OTUD5: variants seen among roughly 807,000 people sequenced by gnomAD.
OTUD5 encodes OTU domain-containing protein 5.
Under a neutral mutation model 36.3 loss-of-function variants are expected in OTUD5, and 2 were observed. The ratio of observed to expected loss-of-function variants is 0.06; its 90% CI spans 0.02 to 0.17. The LOEUF (loss-of-function observed/expected upper bound fraction) is 0.17. Among genes scored for constraint, OTUD5 ranks in the 10% least tolerant of loss-of-function variants. OTUD5 has a pLI of 1.00. For missense variants in OTUD5, 233 were observed against 512.3 expected (o/e 0.45, Z 5.26); for synonymous variants, 234 against 214.9 (o/e 1.09, Z -0.78).
chrX:48,935,373 T>C (rs1315908351), intron 2 of OTUD5, among the ~76,000 whole-genome samples: 1 of 111,294 alleles, frequency 9.0e-6, no homozygotes, highest in African/African-American at 3.3e-5. Context: ...GCTTTCCACA[T>C]GAGGAAACTG....
chrX:48,938,605 A>C (rs1557050415), intron 2 of OTUD5, among the ~76,000 whole-genome samples: 1 of 110,513 alleles, frequency 9.0e-6, no homozygotes, highest in East Asian at 2.8e-4. Flanking sequence ...GAGGCAGAAA[A>C]ATCGCTTGAA....
chrX:48,939,830 A>G (rs2063890153), intron 2 of OTUD5, among the ~76,000 whole-genome samples: 1 of 112,607 alleles, frequency 8.9e-6, no homozygotes, highest in Non-Finnish European at 1.9e-5. Flanking sequence ...TTATCTTCCT[A>G]TAGGGTCCTA....
intron 5 of OTUD5, among the ~76,000 whole-genome samples, chrX:48,930,592 C>T (rs187120961): frequency 3.6e-5 from 4 of 112,120 alleles, no homozygotes; most frequent in African/African-American, 9.7e-5. Flanking sequence ...AACCTGATAT[C>T]GAAGAGCACA....
intron 2 of OTUD5, among the ~76,000 whole-genome samples, chrX:48,940,971 C>T (rs2063909447): frequency 9.0e-6 from 1 of 111,336 alleles, no homozygotes; most frequent in Non-Finnish European, 1.9e-5. Flanking sequence ...GGAAGATAAT[C>T]CAGGGGAACA....
rs1240474804 is a variant in OTUD5 at position 48,956,424 on chromosome X, T to C, written c.594+553A>G. Among the ~76,000 whole-genome samples, 3 of 111,431 alleles carry C rather than the reference T, an allele frequency of 2.7e-5. No homozygotes were observed. The Admixed American group carries it at 2.8e-4, about 11-fold the overall frequency. On this transcript the variant is annotated intron_variant, in intron 1 of 8. Transcript: ENST00000376488. The stretch of plus-strand genomic sequence containing the variant: ...CAGGTCTGGCTATTCAGTGGTCCTG[T>C]GCAGTGTTACCCAGCGAAGCGGGAG...
At chrX:48,931,415 G>C (rs1922119706) in intron 5 of OTUD5, among the ~76,000 whole-genome samples, 1 of 112,399 alleles carries the variant, frequency 8.9e-6, no homozygotes, top group African/African-American at 3.2e-5. Context: ...AACTGTCAAG[G>C]TCATCAAAAC....
chrX:48,944,294 G>C lies in OTUD5; in HGVS notation c.595-11C>G. 8.8e-7 allele frequency: 1 copy of C among 1,136,776 alleles called. No homozygotes were observed. Among genetic ancestry groups the C allele is most frequent in the Non-Finnish European group, 1.2e-6 (1 of 829,373 alleles). The allele number at this position is 1,136,776 out of a possible 1,213,427, so 93.7% of individuals were successfully genotyped here. ...AAACCAATGCTCCTGCTGGAGGGAA[G>C]AGGTGGGGGTCAGCAACAGGGAAAA... On this transcript the variant is annotated splice_polypyrimidine_tract_variant and intron_variant, in intron 1 of 8. Transcript: ENST00000376488.
intron 6 of OTUD5, among the ~76,000 whole-genome samples, chrX:48,925,509 T>C (rs997737830): frequency 1.8e-5 from 2 of 111,128 alleles, no homozygotes; most frequent in Non-Finnish European, 3.8e-5. Context: ...ACGAGATCGT[T>C]GAGGGCAGAG....
intron 1 of OTUD5, 96 bp from the exon 2 acceptor site, chrX:48,944,379 G>A (rs1306840284): frequency 1.9e-6 from 1 of 539,317 alleles, no homozygotes; most frequent in Non-Finnish European, 3.2e-6. Flanking sequence ...ATCATTGACA[G>A]AGAGGACGCT....
intron 2 of OTUD5, chrX:48,940,501 C>T (rs2063901791): frequency 8.9e-6 from 1 of 112,284 alleles, no homozygotes; most frequent in Non-Finnish European, 1.9e-5. Flanking sequence ...GACCAAAAGG[C>T]CCAGAAGAGT....
intron 1 of OTUD5, among the ~76,000 whole-genome samples, chrX:48,954,298 G>A (rs1166874298): frequency 9.0e-6 from 1 of 110,889 alleles, no homozygotes; most frequent in African/African-American, 3.3e-5. Context: ...ATAAGGGAGG[G>A]ACTGCAAGGG....
chrX:48,942,244 TACAC>T (rs1188711919), intron 2 of OTUD5, among the ~76,000 whole-genome samples: 176 of 57,078 alleles, frequency 3.1e-3, no homozygotes, highest in African/African-American at 6.6e-3. Flanking sequence ...CACACACACA[TACAC>T]ACACACACAC....
chrX:48,943,585 A>G (rs782009684), intron 2 of OTUD5, among the ~76,000 whole-genome samples: 11 of 111,095 alleles, frequency 9.9e-5, no homozygotes, highest in Non-Finnish European at 2.1e-4. Context: ...CATTCTCTCT[A>G]CTTTTATATA....
chrX:48,930,527 T>C (rs1262209123), intron 5 of OTUD5, among the ~76,000 whole-genome samples: 3 of 112,317 alleles, frequency 2.7e-5, no homozygotes, highest in Non-Finnish European at 5.6e-5. Context: ...CAAAGGCCAC[T>C]ATACATACAT....
chrX:48,958,025 C>T (rs1160975137), upstream of OTUD5: 1 of 117,203 alleles, frequency 8.5e-6, no homozygotes, highest in Non-Finnish European at 1.8e-5. Flanking sequence ...TGGGCAAAAT[C>T]GCCGCCGCCG....
chrX:48,931,129 G>A (rs2063745568), intron 5 of OTUD5, among the ~76,000 whole-genome samples: 1 of 111,895 alleles, frequency 8.9e-6, no homozygotes, highest in South Asian at 3.7e-4. Flanking sequence ...GGCGTGGGCT[G>A]CACATAGTGA....
intron 1 of OTUD5, among the ~76,000 whole-genome samples, chrX:48,946,672 T>C (rs2064035639): frequency 8.9e-6 from 1 of 112,606 alleles, no homozygotes; most frequent in African/African-American, 3.2e-5. Flanking sequence ...CAGCCAGTTA[T>C]GCCCAAGTCC....
At chrX:48,951,623 A>G in intron 1 of OTUD5, among the ~76,000 whole-genome samples, 1 of 110,448 alleles carries the variant, frequency 9.1e-6, no homozygotes, top group Middle Eastern at 4.7e-3. Context: ...TCAAAAAAAA[A>G]CACACACAGG....
chrX:48,927,664 T>C (rs1427238274), intron 5 of OTUD5, among the ~76,000 whole-genome samples: 1 of 111,641 alleles, frequency 9.0e-6, no homozygotes, highest in East Asian at 2.8e-4. Flanking sequence ...TTCCATGTAT[T>C]CAGCTACCCA....
Sources: allele counts gnomAD v4.1 joint callset (sites outside exome capture counted in the v4.1 genomes callset), GRCh38; gene constraint gnomAD v4.1.1; transcripts MANE v1.5; gene names NCBI Gene and HGNC (gene_info 2026-07-23, HGNC 2026-07-21).